The following BNC2 variants were observed in gnomAD, a reference collection of about 807,000 sequenced individuals.
The protein encoded by BNC2 is basonuclin zinc finger protein 2.
A neutral mutation model predicts 76.3 loss-of-function variants in BNC2; 20 were observed. The ratio of observed to expected loss-of-function variants is 0.26; its 90% CI spans 0.18 to 0.38. The LOEUF (loss-of-function observed/expected upper bound fraction) is 0.38, where lower values mean the gene tolerates loss of function less well. Among genes scored for constraint, BNC2 ranks in the 10% least tolerant of loss-of-function variants. The pLI is 1.00. For missense variants in BNC2, 1,382 were observed against 1,399.8 expected (o/e 0.99, Z 0.20); for synonymous variants, 582 against 514.8 (o/e 1.13, Z -1.77).
chr9:16,656,664 ATTTG>A (rs1365695172), intron 3 of BNC2, among the ~76,000 whole-genome samples: 1 of 152,132 alleles, frequency 6.6e-6, no homozygotes, highest in African/African-American at 2.4e-5. Context: ...TTAGGGTTTT[ATTTG>A]TTTTTGTTTT....
At chr9:16,560,553 A>T (rs1453042517) in intron 4 of BNC2, among the ~76,000 whole-genome samples, 2 of 152,098 alleles carry the variant, frequency 1.3e-5, no homozygotes, top group Admixed American at 6.6e-5. Flanking sequence ...CCACAAAAAA[A>T]AAATAAAAAA....
intron 6 of BNC2, among the ~76,000 whole-genome samples, chr9:16,425,404 G>A (rs888202173): frequency 1.3e-5 from 2 of 152,068 alleles, no homozygotes; most frequent in African/African-American, 4.8e-5. Flanking sequence ...CTCTCTCAGA[G>A]CCTGCCATCC....
At chr9:16,819,207 G>T (rs1180714550) in intron 1 of BNC2, among the ~76,000 whole-genome samples, 2 of 152,170 alleles carry the variant, frequency 1.3e-5, no homozygotes, top group African/African-American at 2.4e-5. Flanking sequence ...AGTAGAGATG[G>T]TATTTGACAG....
intron 3 of BNC2, among the ~76,000 whole-genome samples, chr9:16,683,188 T>C (rs1011969353): frequency 1.1e-4 from 16 of 152,118 alleles, no homozygotes; most frequent in Admixed American, 9.8e-4. Context: ...TTGACCACAG[T>C]AGGGGATCTT....
At chr9:16,800,613 G>A (rs937883046) in intron 1 of BNC2, among the ~76,000 whole-genome samples, 2 of 151,756 alleles carry the variant, frequency 1.3e-5, no homozygotes, top group Admixed American at 1.3e-4. Context: ...ACCTATTTAA[G>A]AGGAATTCAT....
intron 3 of BNC2, among the ~76,000 whole-genome samples, chr9:16,700,227 GA>G (rs1823468488): frequency 6.6e-6 from 1 of 152,178 alleles, no homozygotes; most frequent in African/African-American, 2.4e-5. Context: ...TGCTATGGAT[GA>G]AACAAAATTT....
chr9:16,818,482 G>A (rs1586908652), intron 1 of BNC2, among the ~76,000 whole-genome samples: 1 of 152,326 alleles, frequency 6.6e-6, no homozygotes, highest in East Asian at 1.9e-4. Context: ...CAAAATGGAA[G>A]TCCACAATGA....
At chr9:16,585,389 T>C (rs369488747) in intron 3 of BNC2, among the ~76,000 whole-genome samples, 1 of 152,156 alleles carries the variant, frequency 6.6e-6, no homozygotes. Flanking sequence ...TACCTAAACA[T>C]GCAAACACTG....
chr9:16,627,947 G>C (rs189573851), intron 3 of BNC2, among the ~76,000 whole-genome samples: 16 of 152,254 alleles, frequency 1.1e-4, no homozygotes, highest in African/African-American at 3.9e-4. Context: ...TAAGTCATTT[G>C]TCTTATGAGG....
At chr9:16,782,791 C>CT (rs1259643411) in intron 1 of BNC2, among the ~76,000 whole-genome samples, 1 of 152,194 alleles carries the variant, frequency 6.6e-6, no homozygotes, top group Admixed American at 6.5e-5. Context: ...AAACGTCTAC[C>CT]TTTTGTTCAC....
At chr9:16,446,753 A>G (rs1821239878) in intron 5 of BNC2, among the ~76,000 whole-genome samples, 1 of 151,362 alleles carries the variant, frequency 6.6e-6, no homozygotes, top group South Asian at 2.1e-4. Context: ...GTAACAGTCT[A>G]TACAGCGTTT....
At position 16,643,941 on chromosome 9, in the gene BNC2, T is replaced by C. The variant is rs553268541; in HGVS notation, c.331-60856A>G. Among the ~76,000 whole-genome samples, 431 of 152,256 alleles carry C rather than the reference T, an allele frequency of 2.8e-3. 2 individuals carry two copies. The highest frequency in any genetic ancestry group is 4.8e-3 in the Non-Finnish European group (329 of 68,014). On this transcript the variant is annotated intron_variant, in intron 3 of 6. Transcript: ENST00000380672. ...CTTGAGTTCTCTTAACACCATAAAC[T>C]TTCAGAAGAACCTATGGGAGGTGTG...
At chr9:16,787,359 T>G (rs979318239) in intron 1 of BNC2, among the ~76,000 whole-genome samples, 3 of 152,198 alleles carry the variant, frequency 2.0e-5, no homozygotes, top group African/African-American at 7.2e-5. Context: ...GTCGGCCTGG[T>G]GCTAGCATTC....
At chr9:16,627,229 C>T (rs1391912068) in intron 3 of BNC2, among the ~76,000 whole-genome samples, 1 of 152,074 alleles carries the variant, frequency 6.6e-6, no homozygotes, top group Non-Finnish European at 1.5e-5. Context: ...AGGGTAGAGG[C>T]ATAATCTGCC....
chr9:16,486,774 G>A (rs887841208), intron 5 of BNC2, among the ~76,000 whole-genome samples: 9 of 152,164 alleles, frequency 5.9e-5, no homozygotes, highest in African/African-American at 1.4e-4. Context: ...TGCCCAGGAT[G>A]GAGTGCAGTG....
At chr9:16,795,064 C>A (rs1228660150) in intron 1 of BNC2, among the ~76,000 whole-genome samples, 1 of 152,212 alleles carries the variant, frequency 6.6e-6, no homozygotes, top group African/African-American at 2.4e-5. Context: ...CAACTCTCAA[C>A]CTCCCTAGGC....
At chr9:16,593,334 A>G (rs918391588) in intron 3 of BNC2, among the ~76,000 whole-genome samples, 1 of 152,174 alleles carries the variant, frequency 6.6e-6, no homozygotes, top group Admixed American at 6.5e-5. Flanking sequence ...ACAGGCATAT[A>G]AATTTTCCCA....
intron 1 of BNC2, among the ~76,000 whole-genome samples, chr9:16,822,092 CAAA>C (rs531393812): frequency 9.2e-5 from 3 of 32,630 alleles, no homozygotes; most frequent in Non-Finnish European, 1.2e-4. Flanking sequence ...GACTCCATCT[CAAA>C]AAAAAAAAAA....
chr9:16,838,893 T>C (rs1472712779), intron 1 of BNC2, among the ~76,000 whole-genome samples: 1 of 152,168 alleles, frequency 6.6e-6, no homozygotes, highest in East Asian at 1.9e-4. Flanking sequence ...TAATAGTACT[T>C]GAGAAAGATA....
Sources: allele counts gnomAD v4.1 joint callset (sites outside exome capture counted in the v4.1 genomes callset), GRCh38; gene constraint gnomAD v4.1.1; transcripts MANE v1.5; gene names NCBI Gene and HGNC (gene_info 2026-07-23, HGNC 2026-07-21).